The following BANK1 variants were observed in gnomAD, a reference collection of about 807,000 sequenced individuals.
BANK1 encodes the protein B cell scaffold protein with ankyrin repeats 1.
In BANK1, 95 loss-of-function variants were observed where a neutral mutation model predicts 94.5. The observed-to-expected ratio is 1.00, with a 90% CI of 0.85 to 1.19. The LOEUF (loss-of-function observed/expected upper bound fraction) is 1.19, where lower values mean the gene tolerates loss of function less well. Among genes scored for constraint, BANK1 ranks in the 50% most tolerant of loss-of-function variants. The pLI is 0.00. For missense variants in BANK1, 987 were observed against 932.2 expected (o/e 1.06, Z -0.77); for synonymous variants, 334 against 308.4 (o/e 1.08, Z -0.87).
At chr4:102,032,805 A>AGGCAGGAGGCTG (rs1727364762) in intron 10 of BANK1, among the ~76,000 whole-genome samples, 19 of 152,054 alleles carry the variant, frequency 1.2e-4, no homozygotes, top group Admixed American at 1.2e-3. Flanking sequence ...GAATAGCTTG[A>AGGCAGGAGGCTG]ACCCAGGAGT....
chr4:101,983,354 A>G (rs908697030), intron 7 of BANK1, among the ~76,000 whole-genome samples: 4 of 152,082 alleles, frequency 2.6e-5, no homozygotes, highest in Admixed American at 6.6e-5. Flanking sequence ...CTCTGGGATC[A>G]TACTACCTGG....
At chr4:101,997,858 A>T (rs2866392) in intron 7 of BANK1, among the ~76,000 whole-genome samples, 11 of 151,542 alleles carry the variant, frequency 7.3e-5, no homozygotes, top group South Asian at 2.1e-4. Flanking sequence ...CTAATTTTTT[A>T]AAAAAACCAG....
intron 13 of BANK1, among the ~76,000 whole-genome samples, chr4:102,066,313 G>A (rs1728590133): frequency 1.3e-5 from 2 of 150,414 alleles, no homozygotes; most frequent in South Asian, 4.2e-4. Flanking sequence ...CTGGAGTGCA[G>A]TGGCACGATC....
chr4:101,956,575 T>C (rs1724353003), intron 7 of BANK1, among the ~76,000 whole-genome samples: 1 of 152,102 alleles, frequency 6.6e-6, no homozygotes, highest in South Asian at 2.1e-4. Context: ...ATCTAGAATG[T>C]AGCACTTGAG....
At chr4:101,821,525 A>T (rs1405806974) in intron 1 of BANK1, among the ~76,000 whole-genome samples, 1 of 152,040 alleles carries the variant, frequency 6.6e-6, no homozygotes, top group African/African-American at 2.4e-5. Flanking sequence ...GTCTTTGCCC[A>T]TTTCTATGTC....
At position 101,953,813 on chromosome 4, in the gene BANK1, A is replaced by T. The variant is rs78142530; in HGVS notation, c.1206+35624A>T. 4.2e-3 allele frequency among the ~76,000 whole-genome samples: 642 copies of T among 152,244 alleles called. 8 individuals carry two copies. Among genetic ancestry groups the T allele is most frequent in the African/African-American group, 0.015 (630 of 41,552 alleles). ...GTTGATATGTTTTGTGAATGATAAG[A>T]TAGTACATATATTGCATATTGTGCG... On this transcript the variant is annotated intron_variant, in intron 7 of 16. Coordinates refer to ENST00000322953, the MANE Select transcript of BANK1 (RefSeq NM_017935.5).
intron 11 of BANK1, among the ~76,000 whole-genome samples, chr4:102,050,602 A>G (rs1462231668): frequency 6.6e-6 from 1 of 152,234 alleles, no homozygotes; most frequent in African/African-American, 2.4e-5. Context: ...AATACAATTT[A>G]AAACTTTTGC....
intron 7 of BANK1, among the ~76,000 whole-genome samples, chr4:101,919,463 G>C (rs151282064): frequency 6.6e-6 from 1 of 152,068 alleles, no homozygotes; most frequent in Non-Finnish European, 1.5e-5. Flanking sequence ...AGATATGAAA[G>C]TAAGTACAAT....
chr4:101,952,779 G>T (rs1384460590), intron 7 of BANK1, among the ~76,000 whole-genome samples: 2 of 152,110 alleles, frequency 1.3e-5, no homozygotes, highest in Non-Finnish European at 2.9e-5. Flanking sequence ...CTTTTTCACA[G>T]TTAAGAAATG....
intron 15 of BANK1, 26 bp from the exon 16 acceptor site, chr4:102,073,658 A>G (rs1728826922): frequency 6.3e-7 from 1 of 1,597,938 alleles, no homozygotes; most frequent in East Asian, 2.2e-5. Flanking sequence ...GAGAAATACT[A>G]GCTCTATATC....
At chr4:101,907,232 A>T (rs1169914323) in intron 6 of BANK1, among the ~76,000 whole-genome samples, 2 of 152,188 alleles carry the variant, frequency 1.3e-5, no homozygotes, top group African/African-American at 2.4e-5. Context: ...CATCCCTGGG[A>T]TGCAAGGCTG....
At chr4:102,064,518 C>G (rs974311363) in intron 13 of BANK1, among the ~76,000 whole-genome samples, 3 of 152,044 alleles carry the variant, frequency 2.0e-5, no homozygotes, top group Non-Finnish European at 4.4e-5. Flanking sequence ...GAAACTGAGG[C>G]CCTGAGAAAC....
chr4:101,855,310 C>G (rs1351498444), intron 3 of BANK1, 121 bp downstream of exon 3: 12 of 878,260 alleles, frequency 1.4e-5, no homozygotes, highest in Non-Finnish European at 1.7e-5. Context: ...AACTCCTGGC[C>G]TCAAGAGATC....
rs552097714 is a variant in BANK1, at chr4:101,919,483, T to C, written c.1206+1294T>C. 1.2e-4 allele frequency among the ~76,000 whole-genome samples: 18 copies of C among 152,080 alleles called. No individual in the cohort carries two copies. In the East Asian group the frequency reaches 3.3e-3, roughly 28 times the overall value. ...TGAAAGTAAGTACAATGGTAGGATA[T>C]GAGGTTTGATGGATGTGGGATATAA... On this transcript the variant is annotated intron_variant, in intron 7 of 16. Coordinates refer to ENST00000322953, the MANE Select transcript of BANK1 (RefSeq NM_017935.5).
rs1430792073 is a variant in BANK1, at chr4:102,048,215, G to C, written c.1969+4308G>C. 2.6e-5 allele frequency among the ~76,000 whole-genome samples: 4 copies of C among 152,088 alleles called. No homozygotes were observed. The East Asian group carries it at 7.7e-4, about 29-fold the overall frequency. On this transcript the variant is annotated intron_variant, in intron 11 of 16. Transcript: ENST00000322953. ...ATCAGTAATGTACCAGAAGGGAACA[G>C]CATATTGTTTTATTTGTAAGGACTA...
intron 13 of BANK1, among the ~76,000 whole-genome samples, chr4:102,063,810 C>T (rs1728503096): frequency 7.1e-6 from 1 of 141,790 alleles, no homozygotes; most frequent in Non-Finnish European, 1.5e-5. Context: ...CAGAGCAAGA[C>T]TCTATCTCAA....
At chr4:101,814,199 C>T (rs555282576) in intron 1 of BANK1, among the ~76,000 whole-genome samples, 6 of 152,168 alleles carry the variant, frequency 3.9e-5, no homozygotes, top group Non-Finnish European at 8.8e-5. Context: ...GTATTTATTA[C>T]ATCCCTAACT....
At chr4:101,804,568 T>C (rs1444072378) in intron 1 of BANK1, among the ~76,000 whole-genome samples, 1 of 152,160 alleles carries the variant, frequency 6.6e-6, no homozygotes, top group Non-Finnish European at 1.5e-5. Context: ...GCTTGATACA[T>C]ACTGTAGATT....
chr4:102,017,665 T>G (rs1263938522), intron 7 of BANK1, among the ~76,000 whole-genome samples: 1 of 152,202 alleles, frequency 6.6e-6, no homozygotes, highest in Non-Finnish European at 1.5e-5. Context: ...TGCTTCTTTC[T>G]CCATTTCTAC....
Sources: gnomAD v4.1 joint callset for allele counts (sites outside exome capture counted in the v4.1 genomes callset) on GRCh38, gnomAD v4.1.1 for gene constraint, MANE v1.5 for transcripts, NCBI Gene and HGNC (gene_info 2026-07-23, HGNC 2026-07-21) for gene names.